The following NEDD4L variants were observed in gnomAD, a reference collection of about 807,000 sequenced individuals.
NEDD4L encodes the protein NEDD4 like E3 ubiquitin protein ligase, also known as E3 ubiquitin-protein ligase NEDD4-like.
NEDD4L carries 54 observed loss-of-function variants against 148.9 expected under a neutral mutation model. The observed-to-expected ratio is 0.36, with a 90% CI of 0.29 to 0.45. NEDD4L has a LOEUF of 0.45. NEDD4L is among the 20% of genes least tolerant of loss of function. The pLI is 1.00. For missense variants in NEDD4L, 856 were observed against 1,233.8 expected (o/e 0.69, Z 4.59); for synonymous variants, 433 against 440.7 (o/e 0.98, Z 0.22).
chr18:58,155,443 A>G (rs926547982), intron 1 of NEDD4L, among the ~76,000 whole-genome samples: 4 of 152,250 alleles, frequency 2.6e-5, no homozygotes, highest in Admixed American at 1.3e-4. Flanking sequence ...ATGATTCATA[A>G]CACAGGGAAA....
chr18:58,186,448 T>G (rs527503059), intron 2 of NEDD4L, among the ~76,000 whole-genome samples: 1 of 152,148 alleles, frequency 6.6e-6, no homozygotes, highest in Non-Finnish European at 1.5e-5. Flanking sequence ...GAATTCATAT[T>G]TTTTTTATAA....
chr18:58,311,443 C>A (rs1031552282), intron 5 of NEDD4L, among the ~76,000 whole-genome samples: 2 of 152,112 alleles, frequency 1.3e-5, no homozygotes, highest in African/African-American at 4.8e-5. Flanking sequence ...CTCCTTGCAC[C>A]CTCAACCCCC....
chr18:58,113,415 A>AG (rs1320809100), intron 1 of NEDD4L, among the ~76,000 whole-genome samples: 1 of 152,208 alleles, frequency 6.6e-6, no homozygotes, highest in Non-Finnish European at 1.5e-5. Context: ...AGAGAATTAG[A>AG]GGGGCTTCTC....
At chr18:58,303,166 C>T (rs1281937219) in intron 5 of NEDD4L, among the ~76,000 whole-genome samples, 1 of 152,210 alleles carries the variant, frequency 6.6e-6, no homozygotes, top group Non-Finnish European at 1.5e-5. Flanking sequence ...AGCCCATGTA[C>T]ACAGTGATTC....
rs1027782541 is a variant in NEDD4L, at chr18:58,256,607, G to A, written c.297+4553G>A. ...TCCTGAAATCCGCAGGACGAACTCC[G>A]CGGAGAGGACTCCGCAGGGCCAGGG... On this transcript the variant is annotated intron_variant, in intron 5 of 30. Coordinates refer to ENST00000400345, the MANE Select transcript of NEDD4L (RefSeq NM_001144967.3). The surrounding 1 kb of genome is among the most constrained non-coding windows in gnomAD (Gnocchi z 5.2). The A allele has an allele frequency of 6.5e-6, 8 of 1,232,136 alleles. No individual in the cohort carries two copies. The highest frequency in any genetic ancestry group is 7.1e-6 in the Non-Finnish European group (7 of 988,054). 76.3% of individuals were successfully genotyped at this position (1,232,136 alleles called of 1,614,324 possible). A position where few individuals can be genotyped will look rare whatever the true frequency, so the allele number is the denominator to read the frequency against.
chr18:58,176,997 T>G (rs1380251501), intron 2 of NEDD4L, among the ~76,000 whole-genome samples: 1 of 152,156 alleles, frequency 6.6e-6, no homozygotes, highest in Non-Finnish European at 1.5e-5. Context: ...GGTCGCATTT[T>G]GACATAGATA....
rs183164162 is a variant in NEDD4L, at chr18:58,366,266, G to A, written c.2063+38G>A. On this transcript the variant is annotated intron_variant, in intron 21 of 30. Coordinates refer to ENST00000400345, the MANE Select transcript of NEDD4L (RefSeq NM_001144967.3). This position sits in a 1 kb window ranked among gnomAD's most constrained non-coding sequence, Gnocchi z 4.2. Reference sequence around the variant, plus strand: ...CCACACCCAGTGTGTGTCCCCCACTGAGACAGTTGTATGAATTTAAACAGA... The same window carrying A: ...CCACACCCAGTGTGTGTCCCCCACTAAGACAGTTGTATGAATTTAAACAGA... The A allele has an allele frequency of 2.1e-4, 290 of 1,369,766 alleles. 1 individual carries two copies. In the African/African-American group the frequency reaches 3.8e-3, roughly 18 times the overall value. The allele number at this position is 1,369,766 out of a possible 1,614,324, so 84.9% of individuals were successfully genotyped here.
chr18:58,122,373 G>A (rs915241997), intron 1 of NEDD4L, among the ~76,000 whole-genome samples: 5 of 152,248 alleles, frequency 3.3e-5, no homozygotes, highest in East Asian at 1.9e-4. Flanking sequence ...GGTGGCGGGC[G>A]CCTGTAATTC....
At chr18:58,215,230 T>C (rs1317197804) in intron 2 of NEDD4L, among the ~76,000 whole-genome samples, 1 of 152,250 alleles carries the variant, frequency 6.6e-6, no homozygotes, top group African/African-American at 2.4e-5. Context: ...AATTGCCTTC[T>C]GTAGTACTGC....
chr18:58,081,636 A>G lies in NEDD4L; in HGVS notation c.48+36928A>G, dbSNP rs772990241. Among the ~76,000 whole-genome samples, 96 of 152,206 alleles carry G rather than the reference A, an allele frequency of 6.3e-4. 1 individual carries two copies. The highest frequency in any genetic ancestry group is 1.1e-3 in the Non-Finnish European group (72 of 67,994). The stretch of plus-strand genomic sequence containing the variant: ...GTCAAAACAAAGCAAAACACACAGA[A>G]TCTCGTATCTTTTCCTGCCCTGATG... On this transcript the variant is annotated intron_variant, in intron 1 of 30. Transcript: ENST00000400345.
intron 2 of NEDD4L, among the ~76,000 whole-genome samples, chr18:58,178,595 T>A (rs1261088534): frequency 6.6e-6 from 1 of 152,348 alleles, no homozygotes; most frequent in East Asian, 1.9e-4. Context: ...TAAGTAATGT[T>A]TAATAAGGAA....
At chr18:58,230,414 C>T (rs1670329) in intron 2 of NEDD4L, among the ~76,000 whole-genome samples, 96 of 146,032 alleles carry the variant, frequency 6.6e-4, no homozygotes, top group African/African-American at 1.2e-3. Flanking sequence ...TGTGAAGCTT[C>T]TTCTTTTTTT....
intron 5 of NEDD4L, among the ~76,000 whole-genome samples, chr18:58,280,559 G>A (rs1011120427): frequency 1.3e-5 from 2 of 152,204 alleles, no homozygotes; most frequent in African/African-American, 4.8e-5. Context: ...GGTAGGTTCT[G>A]TAGACTTGTC....
At chr18:58,121,136 A>T (rs879340043) in intron 1 of NEDD4L, among the ~76,000 whole-genome samples, 1 of 152,086 alleles carries the variant, frequency 6.6e-6, no homozygotes, top group Non-Finnish European at 1.5e-5. Context: ...GTGTAGAATG[A>T]TATTAGTAAG....
chr18:58,093,644 T>G (rs1202319613), intron 1 of NEDD4L, among the ~76,000 whole-genome samples: 4 of 152,132 alleles, frequency 2.6e-5, no homozygotes, highest in African/African-American at 9.7e-5. Flanking sequence ...TGCGATACAG[T>G]TGGTGGTAGT....
intron 1 of NEDD4L, among the ~76,000 whole-genome samples, chr18:58,127,484 G>A (rs192571857): frequency 2.0e-5 from 3 of 151,786 alleles, no homozygotes; most frequent in South Asian, 2.1e-4. Flanking sequence ...CGGGAAGATC[G>A]CTTGAGGCCA....
In NEDD4L at chr18:58,398,067, G is replaced by T. The variant is rs1428626544; in HGVS notation, c.*1798G>T. The T allele has an allele frequency of 6.8e-6, 1 of 147,302 alleles. No homozygotes were observed. Among genetic ancestry groups the T allele is most frequent in the Admixed American group, 6.9e-5 (1 of 14,418 alleles). The allele number at this position is 147,302 out of a possible 1,614,324, so 9.1% of individuals were successfully genotyped here. On this transcript the variant is annotated 3_prime_UTR_variant, in exon 31 of 31. Transcript: ENST00000400345. Reference sequence around the variant, plus strand: ...AGAGGCCTGAGGTTTCTAAAAGAAGGTAGATTTCTACAGAGCTGAGTGTTG... The same window carrying T: ...AGAGGCCTGAGGTTTCTAAAAGAAGTTAGATTTCTACAGAGCTGAGTGTTG...
chr18:58,060,471 C>T (rs1048369935), intron 1 of NEDD4L, among the ~76,000 whole-genome samples: 1 of 152,090 alleles, frequency 6.6e-6, no homozygotes, highest in Non-Finnish European at 1.5e-5. Context: ...TTGAGTTGGA[C>T]AACCCTAGGC....
At chr18:58,390,800 A>T (rs2049713953) in intron 29 of NEDD4L, 58 bp downstream of exon 29, 2 of 1,286,516 alleles carry the variant, frequency 1.6e-6, no homozygotes, top group African/African-American at 1.5e-5. Flanking sequence ...CCAGGCATGA[A>T]CTCTGGCCCA....
Sources: allele counts gnomAD v4.1 joint callset (sites outside exome capture counted in the v4.1 genomes callset), GRCh38; gene constraint gnomAD v4.1.1; non-coding constraint Gnocchi (gnomAD v3.1); transcripts MANE v1.5; gene names NCBI Gene and HGNC (gene_info 2026-07-23, HGNC 2026-07-21).